MAGEE2: variants seen among roughly 807,000 people sequenced by gnomAD.
The protein encoded by MAGEE2 is MAGE family member E2.
For synonymous variants in MAGEE2, 189 were observed against 155.4 expected, an observed-to-expected ratio of 1.22 and a Z score of -1.61; for missense variants, 508 against 391.1, an observed-to-expected ratio of 1.30 and a Z score of -2.52.
At position 75,783,721 on chromosome X, in the gene MAGEE2, A is replaced by C. The variant is rs751469786; in HGVS notation, c.1331T>G (p.Leu444Arg). 1 of 1,210,206 alleles carries C rather than the reference A, an allele frequency of 8.3e-7. No individual in the cohort carries two copies. Among genetic ancestry groups the C allele is most frequent in the Non-Finnish European group, 1.1e-6 (1 of 895,345 alleles). The change falls in exon 1 of 1, where the codon CTT becomes CGT. Residue 444 changes from leucine (L) to arginine (R), a missense_variant. Leu to Arg is a moderately radical substitution (Grantham distance 102, BLOSUM62 -2). Coordinates refer to ENST00000373359, the MANE Select transcript of MAGEE2 (RefSeq NM_138703.5). Reference protein sequence around the residue: ...VGRKHSITRKLMRQRYLECRP... With the variant: ...VGRKHSITRKRMRQRYLECRP... ...GCATTCCAGATAGCGCTGTCTCATA[A>C]GCTTACGGGTGATGGAATGCTTTCT...
In MAGEE2 at chrX:75,783,511, G is replaced by A. The variant is rs2087861350; in HGVS notation, c.1541C>T (p.Ala514Val). The A allele has an allele frequency of 5.0e-6, 6 of 1,207,931 alleles. No homozygotes were observed. The highest frequency in any genetic ancestry group is 4.5e-6 in the Non-Finnish European group (4 of 892,983). ...GGGGTCAAGGAAAAACATGATAGTT[G>A]CCTCAGATTTGGCTCTGGCCTCCTC... Reference protein sequence around the residue: ...EDEEARAKSEATIMFFLDPT With the variant: ...EDEEARAKSEVTIMFFLDPT The change falls in exon 1 of 1, where the codon GCA (alanine) becomes GTA (valine). Residue 514 changes from alanine (A) to valine (V), a missense_variant. Coordinates refer to ENST00000373359, the MANE Select transcript of MAGEE2 (RefSeq NM_138703.5).
rs147001440 is a variant in MAGEE2 at position 75,784,544 on chromosome X, C to A, written c.508G>T (p.Glu170Ter). The A allele has an allele frequency of 1.7e-6, 2 of 1,211,150 alleles. No individual in the cohort carries two copies. The highest frequency in any genetic ancestry group is 4.3e-5 in the Admixed American group (2 of 45,994). The change falls in exon 1 of 1, where the codon GAG becomes TAG. Residue 170 changes from glutamate (E) to a stop codon, truncating the protein, a stop_gained. Coordinates refer to ENST00000373359, the MANE Select transcript of MAGEE2 (RefSeq NM_138703.5). LOFTEE classifies it low-confidence loss of function (END_TRUNC). Reference protein sequence around the residue: ...RGFQITDRIAESLDMPKASLL... With the variant: ...RGFQITDRIA The stretch of plus-strand genomic sequence containing the variant: ...CTTGCTTTTGGCATGTCCAGGGACT[C>A]CGCTATCCTATCGGTGATCTGGAAA...
chrX:75,784,871 C>T lies in MAGEE2; in HGVS notation c.181G>A (p.Ala61Thr), dbSNP rs2087878459. ...TCCAGGTCATTCGGGTCCTGAACGGCCTGGGAAGTGTTGACACACTGAGAG... is the reference window on the plus strand; with the variant it reads ...TCCAGGTCATTCGGGTCCTGAACGGTCTGGGAAGTGTTGACACACTGAGAG... ...INSQCVNTSQ[A>T]VQDPNDLEVL... is the part of the protein sequence containing the mutation. The change falls in exon 1 of 1, where the codon GCC becomes ACC. Residue 61 changes from alanine to threonine, a missense_variant. Physicochemically the swap from Ala to Thr is moderately conservative, Grantham distance 58. Coordinates refer to ENST00000373359, the MANE Select transcript of MAGEE2 (RefSeq NM_138703.5). 4 of 1,201,456 alleles carry T rather than the reference C, an allele frequency of 3.3e-6. No homozygotes were observed. The Admixed American group carries it at 8.9e-5, about 27-fold the overall frequency.
Position 75,785,182 on chromosome X carries a change from G to A in MAGEE2, c.-131C>T. On this transcript the variant is annotated 5_prime_UTR_variant, in exon 1 of 1. Transcript: ENST00000373359. ...GCTGGAAGGATCAAAAGTGAAATCT[G>A]GTGTGAAGAGCGATCTTTCTACACA... 1.4e-6 allele frequency: 1 copy of A among 715,513 alleles called. No homozygotes were observed. The highest frequency in any genetic ancestry group is 1.9e-6 in the Non-Finnish European group (1 of 525,044). 59.0% of individuals were successfully genotyped at this position (715,513 alleles called of 1,213,427 possible).
At position 75,784,047 on chromosome X, in the gene MAGEE2, A is replaced by T. The variant is rs776699084; in HGVS notation, c.1005T>A (p.Asp335Glu). 1 of 1,209,497 alleles carries T rather than the reference A, an allele frequency of 8.3e-7. No homozygotes were observed. The highest frequency in any genetic ancestry group is 1.1e-6 in the Non-Finnish European group (1 of 895,582). The change falls in exon 1 of 1, where the codon GAT (aspartate) becomes GAA (glutamate). Residue 335 changes from aspartate to glutamate, a missense_variant. Asp to Glu is a conservative substitution (Grantham distance 45). Transcript: ENST00000373359. ...VTEEMLPIHQDELLAHTGKEF... is the reference protein window; with the variant it reads ...VTEEMLPIHQEELLAHTGKEF... ...CTTTGCCAGTGTGAGCCAATAGCTC[A>T]TCCTGATGTATAGGCAGCATCTCCT...
chrX:75,784,159 C>A lies in MAGEE2; in HGVS notation c.893G>T (p.Ser298Ile). The A allele has an allele frequency of 8.3e-7, 1 of 1,211,769 alleles. No individual in the cohort carries two copies. The highest frequency in any genetic ancestry group is 1.7e-5 in the African/African-American group (1 of 57,778). ...CCAGAACTCTAAGCCAGCAGTCAGG[C>A]TTCTTTCTTTGGTTTTGTCACCTTC... The part of the protein sequence containing the change: ...ALEGDKTKER[S>I]LTAGLEFWSE... The change falls in exon 1 of 1, where the codon AGC becomes ATC. Residue 298 changes from serine to isoleucine, a missense_variant. By Grantham distance (142) the Ser-to-Ile change is moderately radical (BLOSUM62 -2). Transcript: ENST00000373359.
Position 75,784,277 on chromosome X carries a change from T to C in MAGEE2, c.775A>G (p.Arg259Gly), listed in dbSNP as rs1165657235. The C allele has an allele frequency of 5.8e-6, 7 of 1,209,855 alleles. No homozygotes were observed. The Admixed American group carries it at 1.5e-4, about 26-fold the overall frequency. The change falls in exon 1 of 1, where the codon AGG becomes GGG. Residue 259 changes from arginine to glycine, a missense_variant. By Grantham distance (125) the Arg-to-Gly change is moderately radical. Coordinates refer to ENST00000373359, the MANE Select transcript of MAGEE2 (RefSeq NM_138703.5). The stretch of plus-strand genomic sequence containing the variant: ...AGGGCTTCCATCTTTGTGATTTCCC[T>C]GTGGGCTCTAGAGCCCCACAAGAAC... ...FEFLWGSRAH[R>G]EITKMEALKF...
rs750196049 is a variant in MAGEE2, at chrX:75,784,970, C to T, written c.82G>A (p.Ala28Thr). ...GTGGGGGACCCGGAGGCGTTAGTAG[C>T]TTGTATTTCACCTCTGCCGTCGCCG... is the stretch of plus-strand genomic sequence containing the variant. ...DYGDGRGEIQ[A>T]TNASGSPTSM... The change falls in exon 1 of 1, where the codon GCT becomes ACT. Residue 28 changes from alanine (A) to threonine (T), a missense_variant. Coordinates refer to ENST00000373359, the MANE Select transcript of MAGEE2 (RefSeq NM_138703.5). 5.2e-6 allele frequency: 6 copies of T among 1,148,269 alleles called. No homozygotes were observed. The highest frequency in any genetic ancestry group is 3.6e-5 in the African/African-American group (2 of 55,327). 94.6% of individuals were successfully genotyped at this position (1,148,269 alleles called of 1,213,427 possible).
rs746129479 is a variant in MAGEE2 at position 75,784,824 on chromosome X, G to A, written c.228C>T (p.Ser76=). 3 of 1,211,379 alleles carry A rather than the reference G, an allele frequency of 2.5e-6. No individual in the cohort carries two copies. The highest frequency in any genetic ancestry group is 3.4e-6 in the Non-Finnish European group (3 of 895,330). The stretch of plus-strand genomic sequence containing the variant: ...GGACCCTGAGCGCCCCCAAACGTCT[G>A]GACTGCTCGTCGATCAGGACCTCCA... ...NDLEVLIDEQ[S]RRLGALRVHD... is the part of the protein sequence containing the mutation. The change falls in exon 1 of 1, where the codon TCC becomes TCT. Residue 76 remains serine, a synonymous_variant. Transcript: ENST00000373359.
In MAGEE2 at chrX:75,783,430, G is replaced by A. The variant is rs747134836; in HGVS notation, c.*50C>T. 6.1e-6 allele frequency: 7 copies of A among 1,140,548 alleles called. No homozygotes were observed. The South Asian group carries it at 8.7e-5, about 14-fold the overall frequency. 94.0% of individuals were successfully genotyped at this position (1,140,548 alleles called of 1,213,427 possible). On this transcript the variant is annotated 3_prime_UTR_variant, in exon 1 of 1. Coordinates refer to ENST00000373359, the MANE Select transcript of MAGEE2 (RefSeq NM_138703.5). Reference sequence around the variant, plus strand: ...GAGCCCCAATGCCTATTTTACCAAGGCATCTTTAACTTATGCCACTCAGCT... The same window carrying A: ...GAGCCCCAATGCCTATTTTACCAAGACATCTTTAACTTATGCCACTCAGCT...
At position 75,783,974 on chromosome X, in the gene MAGEE2, G is replaced by T; in HGVS notation, c.1078C>A (p.Leu360Ile). 1 of 1,210,759 alleles carries T rather than the reference G, an allele frequency of 8.3e-7. No individual in the cohort carries two copies. Among genetic ancestry groups the T allele is most frequent in the Non-Finnish European group, 1.1e-6 (1 of 895,501 alleles). Residue 360 changes from leucine to isoleucine, a missense_variant, in exon 1 of 1, where the codon CTT becomes ATT. Transcript: ENST00000373359. ...AGAGACAACCCATAGAACATATCAA[G>T]AATTAGAGTAGCTCTATTGAGGATA... ...PNILNRATLI[L>I]DMFYGLSLIE...
Position 75,783,848 on chromosome X carries a change from C to A in MAGEE2, c.1204G>T (p.Glu402Ter), listed in dbSNP as rs1280090175. 7 of 1,211,908 alleles carry A rather than the reference C, an allele frequency of 5.8e-6. No homozygotes were observed. The South Asian group carries it at 1.2e-4, about 21-fold the overall frequency. ...AAACCTAGGATTGGCATTACATATT[C>A]TTGAGTGGGTCTCCCCAGGCTCTCT... ...MLESLGRPTQEYVMPILGLIF... is the reference protein window; with the variant it reads ...MLESLGRPTQ The change falls in exon 1 of 1, where the codon GAA (glutamate) becomes TAA (stop). Residue 402 changes from glutamate to a stop codon, truncating the protein, a stop_gained. Coordinates refer to ENST00000373359, the MANE Select transcript of MAGEE2 (RefSeq NM_138703.5). LOFTEE classifies it low-confidence loss of function (END_TRUNC).
Position 75,784,946 on chromosome X carries a change from T to C in MAGEE2, c.106A>G (p.Thr36Ala), listed in dbSNP as rs2087879755. 6.1e-6 allele frequency: 7 copies of C among 1,156,827 alleles called. No homozygotes were observed. The highest frequency in any genetic ancestry group is 6.9e-6 in the Non-Finnish European group (6 of 870,127). ...IQATNASGSP[T>A]SMLVVDAPQC... is the part of the protein sequence containing the mutation. ...GGGGCATCAACGACTAGCATGGAGG[T>C]GGGGGACCCGGAGGCGTTAGTAGCT... is the stretch of plus-strand genomic sequence containing the variant. Residue 36 changes from threonine to alanine, a missense_variant, in exon 1 of 1, where the codon ACC becomes GCC. Physicochemically the swap from Thr to Ala is moderately conservative, Grantham distance 58. Transcript: ENST00000373359.
chrX:75,784,610 C>T lies in MAGEE2; in HGVS notation c.442G>A (p.Asp148Asn), dbSNP rs777715056. 1.1e-5 allele frequency: 13 copies of T among 1,209,807 alleles called. No individual in the cohort carries two copies. The highest frequency in any genetic ancestry group is 1.3e-5 in the Non-Finnish European group (12 of 894,545). ...QVFGLNLRVI[D>N]PQADTYNLVS... ...AAATTGTAGGTGTCAGCCTGAGGAT[C>T]AATAACTCTCAGGTTCAACCCAAAG... Residue 148 changes from aspartate (D) to asparagine (N), a missense_variant, in exon 1 of 1, where the codon GAT becomes AAT. Transcript: ENST00000373359.
Position 75,784,007 on chromosome X carries a change from A to G in MAGEE2, c.1045T>C (p.Phe349Leu). The change falls in exon 1 of 1, where the codon TTC (phenylalanine) becomes CTC (leucine). Residue 349 changes from phenylalanine to leucine, a missense_variant. Transcript: ENST00000373359. The part of the protein sequence containing the change: ...AHTGKEFEDV[F>L]PNILNRATLI... The stretch of plus-strand genomic sequence containing the variant: ...GTAGCTCTATTGAGGATATTTGGGA[A>G]CACATCCTCAAATTCTTTGCCAGTG... 2.5e-6 allele frequency: 3 copies of G among 1,209,614 alleles called. No homozygotes were observed. The highest frequency in any genetic ancestry group is 1.7e-5 in the African/African-American group (1 of 57,841).
Position 75,783,183 on chromosome X carries a change from T to C in MAGEE2, c.*297A>G. ...CTCCTGTACCAGACCATTTTACTGA[T>C]TATTTCAAAGATGTAAATATTATCA... On this transcript the variant is annotated 3_prime_UTR_variant, in exon 1 of 1. Coordinates refer to ENST00000373359, the MANE Select transcript of MAGEE2 (RefSeq NM_138703.5). 3.5e-6 allele frequency: 1 copy of C among 286,187 alleles called. No homozygotes were observed. The highest frequency in any genetic ancestry group is 5.6e-5 in the Admixed American group (1 of 17,860). The allele number at this position is 286,187 out of a possible 1,213,427, so 23.6% of individuals were successfully genotyped here.
chrX:75,783,419 A>AT lies in MAGEE2; in HGVS notation c.*60dup. 1 of 1,131,159 alleles carries AT rather than the reference A, an allele frequency of 8.8e-7. No individual in the cohort carries two copies. Among genetic ancestry groups the AT allele is most frequent in the Admixed American group, 2.8e-5 (1 of 36,195 alleles). 93.2% of individuals were successfully genotyped at this position (1,131,159 alleles called of 1,213,427 possible). On this transcript the variant is annotated 3_prime_UTR_variant, in exon 1 of 1. Coordinates refer to ENST00000373359, the MANE Select transcript of MAGEE2 (RefSeq NM_138703.5). ...ATTCTAATTTAGAGCCCCAATGCCT[A>AT]TTTTACCAAGGCATCTTTAACTTAT...
chrX:75,785,211 G>A lies in MAGEE2; in HGVS notation c.-160C>T, dbSNP rs1209953391. The A allele has an allele frequency of 3.7e-6, 2 of 547,290 alleles. No individual in the cohort carries two copies. The highest frequency in any genetic ancestry group is 5.1e-5 in the Admixed American group (1 of 19,518). The allele number at this position is 547,290 out of a possible 1,213,427, so 45.1% of individuals were successfully genotyped here. On this transcript the variant is annotated 5_prime_UTR_variant, in exon 1 of 1. Transcript: ENST00000373359. ...TGAAGAGCGATCTTTCTACACAAGTGCTGGCCAGCAACGACTGCAAGCCTC... is the reference window on the plus strand; with the variant it reads ...TGAAGAGCGATCTTTCTACACAAGTACTGGCCAGCAACGACTGCAAGCCTC...
rs2087860738 is a variant in MAGEE2 at position 75,783,467 on chromosome X, T to C, written c.*13A>G. 1.7e-6 allele frequency: 2 copies of C among 1,193,220 alleles called. No individual in the cohort carries two copies. The highest frequency in any genetic ancestry group is 2.3e-6 in the Non-Finnish European group (2 of 884,883). On this transcript the variant is annotated 3_prime_UTR_variant, in exon 1 of 1. Transcript: ENST00000373359. ...TATGCCACTCAGCTGAAGTGATACATATTCCCTAGACTTCACGTGGGGTCA... is the reference window on the plus strand; with the variant it reads ...TATGCCACTCAGCTGAAGTGATACACATTCCCTAGACTTCACGTGGGGTCA...
Sources: gnomAD v4.1 joint callset for allele counts on GRCh38, gnomAD v4.1.1 for gene constraint, MANE v1.5 for transcripts, NCBI Gene and HGNC (gene_info 2026-07-23, HGNC 2026-07-21) for gene names.